The following RGS7 variants were observed in gnomAD, a reference collection of about 807,000 sequenced individuals.
The protein encoded by RGS7 is regulator of G protein signaling 7.
A neutral mutation model predicts 81.1 loss-of-function variants in RGS7; 27 were observed. That is an observed-to-expected ratio of 0.33 (90% CI 0.25 to 0.46). RGS7 has a LOEUF of 0.46. RGS7 is among the 20% of genes least tolerant of loss of function. RGS7 has a pLI of 1.00. For synonymous variants in RGS7, 208 were observed against 207.7 expected (o/e 1.00, Z -0.01); for missense variants, 396 against 607.4 (o/e 0.65, Z 3.66).
intron 3 of RGS7, among the ~76,000 whole-genome samples, chr1:241,023,761 T>A (rs1295449740): frequency 6.6e-6 from 1 of 152,196 alleles, no homozygotes; most frequent in Non-Finnish European, 1.5e-5. Flanking sequence ...GATTGATTGA[T>A]CAAGATGTAG....
chr1:241,061,160 AGACT>A (rs1242433308), intron 3 of RGS7, among the ~76,000 whole-genome samples: 1 of 152,266 alleles, frequency 6.6e-6, no homozygotes, highest in Non-Finnish European at 1.5e-5. Context: ...AAGACCCCCA[AGACT>A]GACAGTCCAG....
intron 2 of RGS7, among the ~76,000 whole-genome samples, chr1:241,119,520 A>G (rs1427062968): frequency 6.6e-6 from 1 of 152,214 alleles, no homozygotes; most frequent in Admixed American, 6.5e-5. Flanking sequence ...ACTGTACTAA[A>G]ATTCATTCTC....
At chr1:240,889,591 G>A (rs1265819126) in intron 6 of RGS7, among the ~76,000 whole-genome samples, 1 of 152,188 alleles carries the variant, frequency 6.6e-6, no homozygotes, top group East Asian at 1.9e-4. Context: ...GAGGCGACTG[G>A]ATGGTAAAAG....
At chr1:241,160,125 A>AAAAAAG (rs1209388816) in intron 2 of RGS7, among the ~76,000 whole-genome samples, 12,034 of 139,770 alleles carry the variant, frequency 0.086, 699 homozygotes, top group East Asian at 0.14. Context: ...AAAAAAAAAA[A>AAAAAAG]AAAAAGAAAA....
intron 9 of RGS7, among the ~76,000 whole-genome samples, chr1:240,834,916 CCACACACACACACA>C (rs67071227): frequency 9.9e-4 from 143 of 144,616 alleles, no homozygotes; most frequent in Admixed American, 3.9e-3. Flanking sequence ...ACCTTACACT[CCACACACACACACA>C]CACACACACA....
chr1:240,783,456 T>A (rs1418892506), intron 18 of RGS7, among the ~76,000 whole-genome samples: 1 of 148,928 alleles, frequency 6.7e-6, no homozygotes, highest in Non-Finnish European at 1.5e-5. Flanking sequence ...ACCCCATCTC[T>A]ACTTTAAAAA....
At chr1:241,207,348 C>CATATATATATATATAT (rs540737449) in intron 2 of RGS7, among the ~76,000 whole-genome samples, 17,593 of 142,938 alleles carry the variant, frequency 0.12, 1,359 homozygotes, top group Non-Finnish European at 0.17. Flanking sequence ...CTTTAAAATG[C>CATATATATATATATAT]ATATATATAT....
At chr1:241,090,463 C>T (rs2063803405) in intron 3 of RGS7, among the ~76,000 whole-genome samples, 1 of 151,968 alleles carries the variant, frequency 6.6e-6, no homozygotes, top group Non-Finnish European at 1.5e-5. Flanking sequence ...ATACTGTATA[C>T]ACAGTTGAAT....
intron 3 of RGS7, among the ~76,000 whole-genome samples, chr1:241,049,494 T>C (rs552452742): frequency 1.8e-4 from 28 of 152,302 alleles, no homozygotes; most frequent in Middle Eastern, 3.4e-3. Context: ...CATCCTTTTG[T>C]TAAACTTTCC....
intron 2 of RGS7, among the ~76,000 whole-genome samples, chr1:241,319,212 G>A (rs1319601313): frequency 2.0e-5 from 3 of 152,228 alleles, no homozygotes; most frequent in South Asian, 2.1e-4. Flanking sequence ...GTCAATAAAT[G>A]TTAGCTTTCT....
At chr1:240,810,809 G>A (rs981325199) in intron 14 of RGS7, among the ~76,000 whole-genome samples, 1 of 152,116 alleles carries the variant, frequency 6.6e-6, no homozygotes, top group Non-Finnish European at 1.5e-5. Flanking sequence ...AATGTTATTA[G>A]TAGTCTCAAT....
intron 9 of RGS7, among the ~76,000 whole-genome samples, chr1:240,858,379 G>C (rs1253115420): frequency 6.6e-6 from 1 of 152,186 alleles, no homozygotes; most frequent in Non-Finnish European, 1.5e-5. Context: ...AGTTCCTGAT[G>C]TTCCACATCC....
chr1:240,900,460 A>T (rs1421925798), intron 6 of RGS7, among the ~76,000 whole-genome samples: 2 of 152,190 alleles, frequency 1.3e-5, no homozygotes, highest in African/African-American at 4.8e-5. Flanking sequence ...GGTGACGTAC[A>T]GATGGGGTTT....
intron 2 of RGS7, among the ~76,000 whole-genome samples, chr1:241,232,324 C>A (rs955626656): frequency 3.9e-5 from 6 of 151,998 alleles, no homozygotes; most frequent in Non-Finnish European, 7.4e-5. Context: ...GTAGCTGGGA[C>A]CACAGGCTTG....
At chr1:240,816,919 G>C (rs1690895945) in intron 10 of RGS7, among the ~76,000 whole-genome samples, 1 of 152,118 alleles carries the variant, frequency 6.6e-6, no homozygotes, top group Non-Finnish European at 1.5e-5. Context: ...AAGACACCAG[G>C]GTACTCCTAC....
At chr1:241,042,920 C>T (rs888977113) in intron 3 of RGS7, among the ~76,000 whole-genome samples, 36 of 149,684 alleles carry the variant, frequency 2.4e-4, no homozygotes, top group African/African-American at 8.2e-4. Flanking sequence ...TGCACCATTG[C>T]ACTCCAGCCT....
chr1:241,091,166 G>A (rs2063845039), intron 3 of RGS7, among the ~76,000 whole-genome samples: 1 of 152,102 alleles, frequency 6.6e-6, no homozygotes, highest in South Asian at 2.1e-4. Flanking sequence ...TAAAACGAAT[G>A]TATTTAAAGC....
intron 18 of RGS7, among the ~76,000 whole-genome samples, chr1:240,778,179 G>A (rs12728423): frequency 3.1e-4 from 42 of 134,614 alleles, no homozygotes; most frequent in South Asian, 1.3e-3. Flanking sequence ...AAAGGCCCTG[G>A]CTCCTAATAC....
At chr1:241,003,159 C>T (rs1448112166) in intron 3 of RGS7, among the ~76,000 whole-genome samples, 1 of 151,906 alleles carries the variant, frequency 6.6e-6, no homozygotes, top group Non-Finnish European at 1.5e-5. Context: ...CTTATAATGA[C>T]AACAAAAAAA....
Sources: allele counts gnomAD v4.1 joint callset (sites outside exome capture counted in the v4.1 genomes callset), GRCh38; gene constraint gnomAD v4.1.1; transcripts MANE v1.5; gene names NCBI Gene and HGNC (gene_info 2026-07-23, HGNC 2026-07-21).